The following THSD7B variants were observed in gnomAD, a reference collection of about 807,000 sequenced individuals.
THSD7B encodes the protein thrombospondin type-1 domain-containing protein 7B.
A neutral mutation model predicts 213.6 loss-of-function variants in THSD7B; 138 were observed. The observed-to-expected ratio is 0.65, with a 90% confidence interval of 0.56 to 0.74. The LOEUF (loss-of-function observed/expected upper bound fraction) is 0.74, where lower values mean the gene tolerates loss of function less well. Among genes scored for constraint, THSD7B ranks in the 30% least tolerant of loss-of-function variants. The pLI, the probability that THSD7B is intolerant of heterozygous loss-of-function variation, is 0.00. For synonymous variants in THSD7B, 742 were observed against 687.0 expected (o/e 1.08, Z -1.25); for missense variants, 1,931 against 1,991.5 (o/e 0.97, Z 0.58).
rs1681929268 is a variant in THSD7B, at chr2:137,242,367, T to C, written c.2151-90T>C. The C allele has an allele frequency of 7.3e-6, 7 of 964,312 alleles. No homozygotes were observed. In the Admixed American group the frequency reaches 1.5e-4, roughly 20 times the overall value. 59.7% of individuals were successfully genotyped at this position (964,312 alleles called of 1,614,324 possible). A position where few individuals can be genotyped will look rare whatever the true frequency, so the allele number is the denominator to read the frequency against. ...CACCTATTAAGGGAACATGAGGCCCTTAATATTTTCGGTTCTAAAATCCTA... is the reference window on the plus strand; with the variant it reads ...CACCTATTAAGGGAACATGAGGCCCCTAATATTTTCGGTTCTAAAATCCTA... On this transcript the variant is annotated intron_variant, in intron 9 of 27. Transcript: ENST00000409968.
intron 17 of THSD7B, among the ~76,000 whole-genome samples, chr2:137,600,548 G>A (rs1682056063): frequency 6.6e-6 from 1 of 152,130 alleles, no homozygotes; most frequent in Admixed American, 6.6e-5. Flanking sequence ...GACCAGCCTG[G>A]CCAACATGGC....
chr2:137,435,402 T>C lies in THSD7B; in HGVS notation c.2960-15443T>C, dbSNP rs547411556. ...TTTCATATTGGAAGCAATTAAAATA[T>C]TTTAAATCTTTTCAGATTCTTGATG... On this transcript the variant is annotated intron_variant, in intron 14 of 27. Transcript: ENST00000409968. Among the ~76,000 whole-genome samples the C allele has an allele frequency of 1.1e-4, 17 of 152,318 alleles. No individual in the cohort carries two copies. The South Asian group carries it at 3.1e-3, about 28-fold the overall frequency.
intron 15 of THSD7B, among the ~76,000 whole-genome samples, chr2:137,470,110 G>A (rs1688064637): frequency 6.6e-6 from 1 of 152,198 alleles, no homozygotes; most frequent in Non-Finnish European, 1.5e-5. Context: ...ATTGAGAGAT[G>A]ACACTTTATT....
chr2:137,329,275 G>T (rs1377009674), intron 12 of THSD7B, among the ~76,000 whole-genome samples: 1 of 152,216 alleles, frequency 6.6e-6, no homozygotes, highest in African/African-American at 2.4e-5. Context: ...CTCTTGTTAT[G>T]TAAAGAGACT....
At chr2:137,300,570 C>A (rs971388609) in intron 12 of THSD7B, among the ~76,000 whole-genome samples, 3 of 152,050 alleles carry the variant, frequency 2.0e-5, no homozygotes, top group Non-Finnish European at 2.9e-5. Flanking sequence ...AAATTTATTA[C>A]AAAATCTATG....
intron 24 of THSD7B, among the ~76,000 whole-genome samples, chr2:137,658,322 C>T (rs1683277582): frequency 6.6e-6 from 1 of 152,148 alleles, no homozygotes; most frequent in Admixed American, 6.5e-5. Flanking sequence ...TGAGAGTTAA[C>T]GTACTGGTAG....
At position 137,330,615 on chromosome 2, in the gene THSD7B, C is replaced by T. The variant is rs561677657; in HGVS notation, c.2500+54589C>T. On this transcript the variant is annotated intron_variant, in intron 12 of 27. Coordinates refer to ENST00000409968, the MANE Select transcript of THSD7B (RefSeq NM_001316349.2). ...GAGTGTTATAGCTCTTAAGGCAGTG[C>T]GTCTGGAGTTGTTCATTCCCCCCGG... is the stretch of plus-strand genomic sequence containing the variant. Among the ~76,000 whole-genome samples the T allele has an allele frequency of 9.9e-5, 15 of 152,000 alleles. 1 individual carries two copies. The South Asian group carries it at 2.7e-3, about 27-fold the overall frequency.
chr2:137,468,228 G>A (rs1265711684), intron 15 of THSD7B, among the ~76,000 whole-genome samples: 1 of 152,078 alleles, frequency 6.6e-6, no homozygotes, highest in Non-Finnish European at 1.5e-5. Flanking sequence ...AGAAATCCCA[G>A]TGAAAATTGT....
chr2:137,121,710 T>C (rs1688550505), intron 5 of THSD7B, among the ~76,000 whole-genome samples: 1 of 152,240 alleles, frequency 6.6e-6, no homozygotes, highest in Admixed American at 6.5e-5. Flanking sequence ...AAGGCCATGC[T>C]TGACATTCTT....
chr2:137,028,814 G>A (rs1030076493), intron 2 of THSD7B, among the ~76,000 whole-genome samples: 5 of 152,136 alleles, frequency 3.3e-5, no homozygotes, highest in Admixed American at 3.3e-4. Context: ...AACTAGTCAG[G>A]TAAATGATTC....
At chr2:137,002,019 A>G (rs1686009306) in intron 2 of THSD7B, among the ~76,000 whole-genome samples, 1 of 151,844 alleles carries the variant, frequency 6.6e-6, no homozygotes, top group Admixed American at 6.6e-5. Context: ...TTTCCCATCT[A>G]ATTACTGTTA....
At chr2:137,380,225 A>T (rs900117402) in intron 12 of THSD7B, among the ~76,000 whole-genome samples, 3 of 150,554 alleles carry the variant, frequency 2.0e-5, no homozygotes, top group African/African-American at 7.4e-5. Context: ...CAGCCTGGGC[A>T]AAAAAGCGAT....
At chr2:137,652,010 A>G (rs1030859529) in intron 21 of THSD7B, among the ~76,000 whole-genome samples, 1 of 152,098 alleles carries the variant, frequency 6.6e-6, no homozygotes, top group Admixed American at 6.5e-5. Flanking sequence ...GTGCTGATGA[A>G]AAGAATGTAT....
chr2:137,421,408 C>A (rs1002555454), intron 14 of THSD7B, among the ~76,000 whole-genome samples: 1 of 152,180 alleles, frequency 6.6e-6, no homozygotes, highest in Non-Finnish European at 1.5e-5. Flanking sequence ...GGGGTTCCCA[C>A]GACTCCCACT....
intron 2 of THSD7B, among the ~76,000 whole-genome samples, chr2:136,954,636 A>G (rs1022036716): frequency 2.0e-5 from 3 of 150,706 alleles, no homozygotes; most frequent in African/African-American, 4.9e-5. Context: ...GAATGGTGTG[A>G]ACCCCGGGGA....
rs1170213418 is a variant in THSD7B, at chr2:137,462,882, A to T, written c.3138+11859A>T. Among the ~76,000 whole-genome samples, 6 of 152,014 alleles carry T rather than the reference A, an allele frequency of 3.9e-5. No homozygotes were observed. In the East Asian group the frequency reaches 1.2e-3, roughly 29 times the overall value. On this transcript the variant is annotated intron_variant, in intron 15 of 27. Transcript: ENST00000409968. Reference sequence around the variant, plus strand: ...GTGAATAGGTACAAATTCTCAACTTAATAAGGAAAGAAAAAAATTGTATGC... The same window carrying T: ...GTGAATAGGTACAAATTCTCAACTTTATAAGGAAAGAAAAAAATTGTATGC...
chr2:137,272,740 G>T, intron 11 of THSD7B, 78 bp downstream of exon 11: 1 of 1,477,550 alleles, frequency 6.8e-7, no homozygotes. Flanking sequence ...ACATATGGTC[G>T]TTTGGTGAAA....
chr2:136,953,075 AT>A (rs1368713220), intron 2 of THSD7B, among the ~76,000 whole-genome samples: 1 of 152,198 alleles, frequency 6.6e-6, no homozygotes, highest in Non-Finnish European at 1.5e-5. Flanking sequence ...AGGGCAAGAT[AT>A]TTTATTTGTT....
intron 2 of THSD7B, among the ~76,000 whole-genome samples, chr2:137,055,134 G>T (rs1365013243): frequency 1.3e-5 from 2 of 152,184 alleles, no homozygotes; most frequent in Non-Finnish European, 2.9e-5. Flanking sequence ...TGGCTGCATA[G>T]TATTCCATGG....
Sources: gnomAD v4.1 joint callset for allele counts (sites outside exome capture counted in the v4.1 genomes callset) on GRCh38, gnomAD v4.1.1 for gene constraint, MANE v1.5 for transcripts, NCBI Gene and HGNC (gene_info 2026-07-23, HGNC 2026-07-21) for gene names.